Variants in UGT2B4 observed in about 807,000 individuals in gnomAD.
UGT2B4 encodes the protein UDP-glucuronosyltransferase 2B4.
Under a neutral mutation model 49.8 loss-of-function variants are expected in UGT2B4, and 49 were observed. That is an observed-to-expected ratio of 0.98 (90% CI 0.78 to 1.25). The LOEUF (loss-of-function observed/expected upper bound fraction) is 1.25, where lower values mean the gene tolerates loss of function less well. UGT2B4 is among the 50% of genes most tolerant of loss of function. UGT2B4 has a pLI of 0.00. For missense variants in UGT2B4, 729 were observed against 627.7 expected, an observed-to-expected ratio of 1.16 and a Z score of -1.73; for synonymous variants, 246 against 217.7, an observed-to-expected ratio of 1.13 and a Z score of -1.14.
chr4:69,522,454 G>A (rs955726184), intron 1 of UGT2B4, among the ~76,000 whole-genome samples: 1 of 152,180 alleles, frequency 6.6e-6, no homozygotes, highest in African/African-American at 2.4e-5. Flanking sequence ...CACACAAATG[G>A]TGTGGTTTCC....
At chr4:69,524,118 CA>C (rs368131088) in intron 1 of UGT2B4, among the ~76,000 whole-genome samples, 53,269 of 151,822 alleles carry the variant, frequency 0.35, 9,429 homozygotes, top group Non-Finnish European at 0.37. Context: ...AGCGATAATG[CA>C]GATTAACTTC....
At position 69,495,752 on chromosome 4, in the gene UGT2B4, A is replaced by C. The variant is rs1173611082; in HGVS notation, c.110T>G (p.Met37Arg). The C allele has an allele frequency of 6.2e-7, 1 of 1,614,024 alleles. No individual in the cohort carries two copies. Among genetic ancestry groups the C allele is most frequent in the Non-Finnish European group, 8.5e-7 (1 of 1,179,952 alleles). ...TTCATCCAGGATTGTCTTTATATTC[A>C]TCCAGTGGCTGAATTCTGTGGGCCA... ...LVWPTEFSHW[M>R]NIKTILDELV... is the part of the protein sequence containing the mutation. The change falls in exon 1 of 6, where the codon ATG (methionine) becomes AGG (arginine). Residue 37 changes from methionine to arginine, a missense_variant. By Grantham distance (91) the Met-to-Arg change is moderately conservative. Transcript: ENST00000305107.
At chr4:69,500,602 CAAGGAAGA>C (rs1232331222), upstream of UGT2B4, among the ~76,000 whole-genome samples, 2,012 of 47,216 alleles carry the variant, frequency 0.043, 66 homozygotes, top group East Asian at 0.097. Flanking sequence ...AGCAAGAAAG[CAAGGAAGA>C]AAGAAAGAAA....
chr4:69,494,612 A>T (rs1305698594), intron 1 of UGT2B4, among the ~76,000 whole-genome samples: 1 of 152,162 alleles, frequency 6.6e-6, no homozygotes, highest in Non-Finnish European at 1.5e-5. Flanking sequence ...ACTTCAAATA[A>T]CATGCATTGG....
Position 69,510,053 on chromosome 4 carries a change from T to C in UGT2B4, c.-105-14087A>G, listed in dbSNP as rs1459522642. ...TGTGTAGTGAATAGTAAGGATAAAA[T>C]TTTATTTATCTTTTGTGGATATCCA... On this transcript the variant is annotated intron_variant, in intron 1 of 1. Coordinates refer to the UGT2B4 transcript ENST00000510114. Among the ~76,000 whole-genome samples, 6 of 152,274 alleles carry C rather than the reference T, an allele frequency of 3.9e-5. No individual in the cohort carries two copies. In the East Asian group the frequency reaches 7.7e-4, roughly 20 times the overall value.
chr4:69,495,368 T>C lies in UGT2B4; in HGVS notation c.494A>G (p.Lys165Arg). 1 of 1,613,904 alleles carries C rather than the reference T, an allele frequency of 6.2e-7. No individual in the cohort carries two copies. The highest frequency in any genetic ancestry group is 1.1e-5 in the South Asian group (1 of 91,054). Reference sequence around the variant, plus strand: ...GCGGAGGCTGTAGACAAAGGGTATTTTAAGTAACTCGGCCAGCAGCTCACC... The same window carrying C: ...GCGGAGGCTGTAGACAAAGGGTATTCTAAGTAACTCGGCCAGCAGCTCACC... ...PFGELLAELL[K>R]IPFVYSLRFS... is the part of the protein sequence containing the mutation. Residue 165 changes from lysine to arginine, a missense_variant, in exon 1 of 6, where the codon AAA (lysine) becomes AGA (arginine). Lys to Arg is a conservative substitution (Grantham distance 26, BLOSUM62 2). Transcript: ENST00000305107.
At chr4:69,519,965 G>T (rs944618855) in intron 1 of UGT2B4, among the ~76,000 whole-genome samples, 2 of 152,064 alleles carry the variant, frequency 1.3e-5, no homozygotes, top group East Asian at 1.9e-4. Flanking sequence ...TCTACTAAAA[G>T]ATATTAAAAA....
chr4:69,507,007 T>C (rs1283886780), intron 1 of UGT2B4, among the ~76,000 whole-genome samples: 2 of 152,160 alleles, frequency 1.3e-5, no homozygotes, highest in Admixed American at 1.3e-4. Context: ...AGAAGAGGCC[T>C]TCGATAAAAT....
intron 1 of UGT2B4, among the ~76,000 whole-genome samples, chr4:69,504,899 G>A (rs1263722204): frequency 2.0e-5 from 3 of 152,120 alleles, no homozygotes; most frequent in Non-Finnish European, 4.4e-5. Flanking sequence ...AACTAACAGT[G>A]TACCTCTCAG....
intron 1 of UGT2B4, among the ~76,000 whole-genome samples, chr4:69,524,664 T>A (rs1314496902): frequency 6.6e-6 from 1 of 150,692 alleles, no homozygotes; most frequent in Non-Finnish European, 1.5e-5. Flanking sequence ...AATAGATTTG[T>A]TTGATTATAA....
chr4:69,511,411 T>C (rs1728599900), intron 1 of UGT2B4, among the ~76,000 whole-genome samples: 1 of 152,202 alleles, frequency 6.6e-6, no homozygotes, highest in Admixed American at 6.5e-5. Context: ...GCCGAGATGT[T>C]TGTGTGGTCT....
intron 2 of UGT2B4, among the ~76,000 whole-genome samples, chr4:69,493,000 G>C (rs1728036218): frequency 6.6e-6 from 1 of 152,092 alleles, no homozygotes; most frequent in Non-Finnish European, 1.5e-5. Flanking sequence ...CCCTAAATGT[G>C]CTTAATAAAT....
chr4:69,485,296 C>A lies in UGT2B4; in HGVS notation c.1222G>T (p.Ala408Ser). 1 of 1,613,968 alleles carries A rather than the reference C, an allele frequency of 6.2e-7. No homozygotes were observed. Among genetic ancestry groups the A allele is most frequent in the South Asian group, 1.1e-5 (1 of 91,078 alleles). ...DQPDNIAHMK[A>S]KGAAVSLDFH... ...TCCAAACTAACAGCTGCTCCCTTGGCCTTCATGTGTGCAATGTTATCAGGT... is the reference window on the plus strand; with the variant it reads ...TCCAAACTAACAGCTGCTCCCTTGGACTTCATGTGTGCAATGTTATCAGGT... The change falls in exon 5 of 6, where the codon GCC (alanine) becomes TCC (serine). Residue 408 changes from alanine (A) to serine (S), a missense_variant. Ala to Ser is a moderately conservative substitution (Grantham distance 99). Transcript: ENST00000305107.
intron 1 of UGT2B4, among the ~76,000 whole-genome samples, chr4:69,512,010 C>A (rs979439336): frequency 6.6e-6 from 1 of 151,640 alleles, no homozygotes; most frequent in African/African-American, 2.4e-5. Flanking sequence ...ATGCCTCTTT[C>A]ATTTTTTATT....
At chr4:69,520,858 C>A (rs1383612973) in intron 1 of UGT2B4, among the ~76,000 whole-genome samples, 1 of 152,170 alleles carries the variant, frequency 6.6e-6, no homozygotes. Flanking sequence ...AGGCAGATCC[C>A]TGATGAAGCC....
upstream of UGT2B4, among the ~76,000 whole-genome samples, chr4:69,500,204 G>A (rs950634709): frequency 2.3e-4 from 35 of 152,138 alleles, no homozygotes; most frequent in African/African-American, 7.7e-4. Context: ...ACGAGAACAC[G>A]TGGACACATG....
At position 69,489,798 on chromosome 4, in the gene UGT2B4, C is replaced by T. The variant is rs112875616; in HGVS notation, c.871-228G>A. Among the ~76,000 whole-genome samples the T allele has an allele frequency of 3.2e-4, 48 of 151,554 alleles. 1 individual carries two copies. In the South Asian group the frequency reaches 3.7e-3, roughly 12 times the overall value. The stretch of plus-strand genomic sequence containing the variant: ...AAATATGTGTGTGTGTATGTGTGTG[C>T]GTTTGTGAAAGGGAGAAATGAAATA... On this transcript the variant is annotated intron_variant, in intron 2 of 5. Coordinates refer to ENST00000305107, the MANE Select transcript of UGT2B4 (RefSeq NM_021139.3).
intron 1 of UGT2B4, among the ~76,000 whole-genome samples, chr4:69,506,783 C>T (rs1577898394): frequency 6.6e-6 from 1 of 152,104 alleles, no homozygotes; most frequent in Non-Finnish European, 1.5e-5. Context: ...ATGAAAACTT[C>T]AAGCCAATAT....
chr4:69,489,436 T>C lies in UGT2B4; in HGVS notation c.1002+3A>G, dbSNP rs774130738. The C allele has an allele frequency of 1.2e-6, 2 of 1,609,894 alleles. No homozygotes were observed. The highest frequency in any genetic ancestry group is 3.3e-5 in the Admixed American group (2 of 59,874). On this transcript the variant is annotated splice_donor_region_variant and intron_variant, in intron 3 of 5. Coordinates refer to ENST00000305107, the MANE Select transcript of UGT2B4 (RefSeq NM_021139.3). Reference sequence around the variant, plus strand: ...TTTACACCATTAAAACATTTTATCTTACCTTTTGTGGGATCTTGGCAAGGG... The same window carrying C: ...TTTACACCATTAAAACATTTTATCTCACCTTTTGTGGGATCTTGGCAAGGG...
Sources: allele counts gnomAD v4.1 joint callset (sites outside exome capture counted in the v4.1 genomes callset), GRCh38; gene constraint gnomAD v4.1.1; transcripts MANE v1.5; gene names NCBI Gene and HGNC (gene_info 2026-07-23, HGNC 2026-07-21).